The following SOX5 variants were observed in gnomAD, a reference collection of about 807,000 sequenced individuals.
SOX5 encodes the protein transcription factor SOX-5.
Under a neutral mutation model 92.0 loss-of-function variants are expected in SOX5, and 9 were observed. The ratio of observed to expected loss-of-function variants is 0.10; its 90% CI spans 0.06 to 0.17. The LOEUF (loss-of-function observed/expected upper bound fraction) is 0.17, where lower values mean the gene tolerates loss of function less well. Ranked by LOEUF, SOX5 falls within the 10% of genes least tolerant of loss-of-function variation. The pLI is 1.00. For synonymous variants in SOX5, 344 were observed against 336.3 expected, an observed-to-expected ratio of 1.02 and a Z score of -0.25; for missense variants, 642 against 944.5, an observed-to-expected ratio of 0.68 and a Z score of 4.20.
At chr12:23,809,006 T>G (rs965863233) in intron 3 of SOX5, among the ~76,000 whole-genome samples, 2 of 152,152 alleles carry the variant, frequency 1.3e-5, no homozygotes, top group African/African-American at 4.8e-5. Context: ...CGTTGTAATA[T>G]TATCCTTCAA....
At chr12:24,521,752 T>A (rs1950282322) in intron 1 of SOX5, among the ~76,000 whole-genome samples, 1 of 151,870 alleles carries the variant, frequency 6.6e-6, no homozygotes, top group Non-Finnish European at 1.5e-5. Flanking sequence ...AAGAAGTATC[T>A]TGAGACAAAC....
chr12:23,830,789 T>C (rs907783216), intron 3 of SOX5, among the ~76,000 whole-genome samples: 1 of 152,162 alleles, frequency 6.6e-6, no homozygotes, highest in African/African-American at 2.4e-5. Flanking sequence ...AAGGGGTAAA[T>C]CTGAAGCTCT....
At chr12:24,119,879 T>C (rs894096363) in intron 4 of SOX5, among the ~76,000 whole-genome samples, 3 of 152,186 alleles carry the variant, frequency 2.0e-5, no homozygotes, top group Non-Finnish European at 4.4e-5. Context: ...ATAGCAAAGA[T>C]GAGCTTTGCC....
At chr12:23,904,541 A>G (rs1024218042) in intron 1 of SOX5, among the ~76,000 whole-genome samples, 23 of 152,230 alleles carry the variant, frequency 1.5e-4, no homozygotes, top group Non-Finnish European at 3.4e-4. Context: ...ATGTAAATCT[A>G]AAATCAAAAC....
At chr12:23,957,761 T>C (rs2139965579) in intron 4 of SOX5, among the ~76,000 whole-genome samples, 1 of 152,278 alleles carries the variant, frequency 6.6e-6, no homozygotes, top group African/African-American at 2.4e-5. Context: ...GAAAATATAA[T>C]ATACGCATTA....
intron 11 of SOX5, among the ~76,000 whole-genome samples, chr12:23,554,822 G>T (rs928685325): frequency 6.6e-6 from 1 of 152,070 alleles, no homozygotes; most frequent in Non-Finnish European, 1.5e-5. Context: ...AAAATAGCTT[G>T]CAATAAACAT....
intron 4 of SOX5, among the ~76,000 whole-genome samples, chr12:24,050,349 G>A (rs1957449320): frequency 6.6e-6 from 1 of 152,148 alleles, no homozygotes; most frequent in Non-Finnish European, 1.5e-5. Flanking sequence ...ATTACTCAGA[G>A]GATCATAAGC....
At chr12:24,113,764 G>A (rs1303553856) in intron 4 of SOX5, among the ~76,000 whole-genome samples, 1 of 152,140 alleles carries the variant, frequency 6.6e-6, no homozygotes, top group African/African-American at 2.4e-5. Context: ...CCAAGAAGCG[G>A]CTAAAACGGA....
At chr12:24,276,975 G>T (rs1212186002) in intron 3 of SOX5, among the ~76,000 whole-genome samples, 1 of 151,954 alleles carries the variant, frequency 6.6e-6, no homozygotes, top group Non-Finnish European at 1.5e-5. Flanking sequence ...GAAAAGAAAA[G>T]AAATGTTGCT....
chr12:23,777,348 C>T (rs2095136367), intron 3 of SOX5, among the ~76,000 whole-genome samples: 1 of 152,142 alleles, frequency 6.6e-6, no homozygotes, highest in African/African-American at 2.4e-5. Context: ...GGCAGGGATA[C>T]TCTTGTTAGA....
At chr12:24,078,970 C>T (rs1418105260) in intron 4 of SOX5, among the ~76,000 whole-genome samples, 1 of 151,742 alleles carries the variant, frequency 6.6e-6, no homozygotes, top group Non-Finnish European at 1.5e-5. Context: ...TGTCGTGAAA[C>T]CATCAACTGC....
chr12:23,989,908 A>T (rs768872679), intron 4 of SOX5, among the ~76,000 whole-genome samples: 3 of 152,174 alleles, frequency 2.0e-5, no homozygotes, highest in Non-Finnish European at 4.4e-5. Context: ...TTAAAATACA[A>T]TCAGAAGTAC....
intron 2 of SOX5, among the ~76,000 whole-genome samples, chr12:24,345,975 G>C (rs1007297812): frequency 6.6e-6 from 1 of 152,124 alleles, no homozygotes; most frequent in Non-Finnish European, 1.5e-5. Flanking sequence ...AGGGAGCCCA[G>C]GTTCCATAAA....
rs1040999417 is a variant in SOX5, at chr12:23,911,820, A to G, written c.39-15796T>C. Among the ~76,000 whole-genome samples the G allele has an allele frequency of 4.6e-5, 7 of 152,182 alleles. No homozygotes were observed. The South Asian group carries it at 6.2e-4, about 13-fold the overall frequency. ...ACACACTATTGGACCGTAGACATATATGTAAGAGCTAAAACCATAAACCAC... is the reference window on the plus strand; with the variant it reads ...ACACACTATTGGACCGTAGACATATGTGTAAGAGCTAAAACCATAAACCAC... On this transcript the variant is annotated intron_variant, in intron 1 of 14. Transcript: ENST00000451604.
At chr12:24,455,784 GC>G (rs986475701) in intron 1 of SOX5, among the ~76,000 whole-genome samples, 3 of 152,150 alleles carry the variant, frequency 2.0e-5, no homozygotes, top group African/African-American at 7.2e-5. Context: ...CAGGACCAAG[GC>G]CCTCCTTCCA....
At chr12:23,846,791 T>A (rs1252933155) in intron 2 of SOX5, among the ~76,000 whole-genome samples, 2 of 152,148 alleles carry the variant, frequency 1.3e-5, no homozygotes, top group African/African-American at 2.4e-5. Context: ...ACAAGAATAT[T>A]CCAAGTTCAA....
chr12:23,607,607 T>C (rs561384962), intron 8 of SOX5, among the ~76,000 whole-genome samples: 1 of 152,254 alleles, frequency 6.6e-6, no homozygotes, highest in East Asian at 1.9e-4. Context: ...CTTCTTTTAT[T>C]AAACGTTCTT....
chr12:23,874,640 G>A (rs2096908253), intron 2 of SOX5, among the ~76,000 whole-genome samples: 1 of 152,168 alleles, frequency 6.6e-6, no homozygotes, highest in Non-Finnish European at 1.5e-5. Flanking sequence ...GAGAGAGAGA[G>A]TGAATAGATG....
chr12:24,481,253 G>A (rs897389332), intron 1 of SOX5, among the ~76,000 whole-genome samples: 2 of 152,092 alleles, frequency 1.3e-5, no homozygotes, highest in African/African-American at 4.8e-5. Flanking sequence ...GGTTACCAGA[G>A]GCTGGAAAGC....
Sources: allele counts gnomAD v4.1 joint callset (sites outside exome capture counted in the v4.1 genomes callset), GRCh38; gene constraint gnomAD v4.1.1; transcripts MANE v1.5; gene names NCBI Gene and HGNC (gene_info 2026-07-23, HGNC 2026-07-21).